The following PTPRJ variants were observed in gnomAD, a reference collection of about 807,000 sequenced individuals.
PTPRJ encodes the protein protein tyrosine phosphatase receptor type J, also known as receptor-type tyrosine-protein phosphatase eta.
Under a neutral mutation model 141.3 loss-of-function variants are expected in PTPRJ, and 129 were observed. The ratio of observed to expected loss-of-function variants is 0.91; its 90% CI spans 0.79 to 1.06. PTPRJ has a LOEUF of 1.06. Among genes scored for constraint, PTPRJ ranks in the 50% least tolerant of loss-of-function variants. The pLI is 0.00. For missense variants in PTPRJ, 1,601 were observed against 1,679.7 expected (o/e 0.95, Z 0.82); for synonymous variants, 610 against 640.5 (o/e 0.95, Z 0.72).
At chr11:48,060,073 G>A (rs1013494390) in intron 1 of PTPRJ, among the ~76,000 whole-genome samples, 3 of 152,108 alleles carry the variant, frequency 2.0e-5, no homozygotes, top group African/African-American at 7.2e-5. Flanking sequence ...GGAGTGATTG[G>A]CCCCCAATTA....
rs61139660 is a variant in PTPRJ, at chr11:48,065,004, CTT to C, written c.97-45028_97-45027del. The stretch of plus-strand genomic sequence containing the variant: ...GCTGAGACCTGTTTTCCTCAACTAC[CTT>C]TTTTTTTTTTTTTTTTTTTTTTTTT... On this transcript the variant is annotated intron_variant, in intron 1 of 24. Transcript: ENST00000418331. Among the ~76,000 whole-genome samples, 287 of 117,156 alleles carry C rather than the reference CTT, an allele frequency of 2.4e-3. 2 individuals are homozygous for C. The highest frequency in any genetic ancestry group is 0.011 in the African/African-American group (277 of 26,092). The allele number at this position is 117,156 out of a possible 152,430, so 76.9% of individuals were successfully genotyped here. A position where few individuals can be genotyped will look rare whatever the true frequency, so the allele number is the denominator to read the frequency against.
chr11:48,157,631 G>T (rs1857644300), intron 21 of PTPRJ, among the ~76,000 whole-genome samples: 2 of 152,176 alleles, frequency 1.3e-5, no homozygotes, highest in South Asian at 2.1e-4. Context: ...AGCCCTTCAG[G>T]CATCATTTCT....
At chr11:47,998,574 A>C (rs1224501928) in intron 1 of PTPRJ, among the ~76,000 whole-genome samples, 1 of 152,206 alleles carries the variant, frequency 6.6e-6, no homozygotes, top group Non-Finnish European at 1.5e-5. Flanking sequence ...AGTAGCTTTC[A>C]AAGCTTCAAT....
intron 15 of PTPRJ, among the ~76,000 whole-genome samples, chr11:48,147,513 G>A (rs1164116576): frequency 1.3e-5 from 2 of 152,216 alleles, no homozygotes; most frequent in African/African-American, 2.4e-5. Context: ...AGTGCTCACC[G>A]TGTGCCTGCA....
Position 47,987,934 on chromosome 11 carries a change from A to G in PTPRJ, c.96+6926A>G, listed in dbSNP as rs1253480546. On this transcript the variant is annotated intron_variant, in intron 1 of 24. Coordinates refer to ENST00000418331, the MANE Select transcript of PTPRJ (RefSeq NM_002843.4). ...GCTCCCACAGAAGGTCTAATTTTAAACATGCAAATAATTTTCAGTTCCACT... is the reference window on the plus strand; with the variant it reads ...GCTCCCACAGAAGGTCTAATTTTAAGCATGCAAATAATTTTCAGTTCCACT... Among the ~76,000 whole-genome samples, 5 of 152,324 alleles carry G rather than the reference A, an allele frequency of 3.3e-5. No individual in the cohort carries two copies. The East Asian group carries it at 7.7e-4, about 24-fold the overall frequency.
intron 1 of PTPRJ, among the ~76,000 whole-genome samples, chr11:47,990,979 G>T (rs1565246324): frequency 6.6e-6 from 1 of 151,874 alleles, no homozygotes; most frequent in Non-Finnish European, 1.5e-5. Context: ...GTGACCGGCG[G>T]AAAGTGTTGG....
chr11:48,104,240 G>C (rs1737622243), intron 1 of PTPRJ, among the ~76,000 whole-genome samples: 2 of 152,148 alleles, frequency 1.3e-5, no homozygotes, highest in Admixed American at 1.3e-4. Flanking sequence ...GGTGTTCCTT[G>C]TCTGGCTTCT....
At chr11:48,138,362 CTGAGCATTTATGACTGGG>C (rs1857152637) in intron 10 of PTPRJ, among the ~76,000 whole-genome samples, 1 of 152,168 alleles carries the variant, frequency 6.6e-6, no homozygotes, top group Non-Finnish European at 1.5e-5. Flanking sequence ...AAAACTGTAT[CTGAGCATTTATGACTGGG>C]TGTGGGTGGA....
intron 18 of PTPRJ, among the ~76,000 whole-genome samples, chr11:48,150,801 A>T (rs752400327): frequency 6.6e-6 from 1 of 152,096 alleles, no homozygotes; most frequent in African/African-American, 2.4e-5. Flanking sequence ...GTGACCATGC[A>T]CACTCGTCCT....
At chr11:47,995,441 C>T (rs1854309593) in intron 1 of PTPRJ, among the ~76,000 whole-genome samples, 1 of 152,180 alleles carries the variant, frequency 6.6e-6, no homozygotes. Flanking sequence ...GACAGCTGGA[C>T]TTGGGCCAGT....
intron 1 of PTPRJ, among the ~76,000 whole-genome samples, chr11:48,028,110 C>T (rs937061273): frequency 6.6e-6 from 1 of 152,154 alleles, no homozygotes; most frequent in Non-Finnish European, 1.5e-5. Context: ...ACTACTGAGC[C>T]ATAAGTGGTC....
At position 47,980,782 on chromosome 11, in the gene PTPRJ, G is replaced by GGACGAGGCGGACCGGC. The variant is rs1853879024; in HGVS notation, c.-130_-115dup. 9.7e-7 allele frequency: 1 copy of GGACGAGGCGGACCGGC among 1,030,868 alleles called. No homozygotes were observed. Among genetic ancestry groups the GGACGAGGCGGACCGGC allele is most frequent in the African/African-American group, 1.7e-5 (1 of 57,966 alleles). The allele number at this position is 1,030,868 out of a possible 1,614,324, so 63.9% of individuals were successfully genotyped here. ...GGGAAGCCCGGGGCGGGCGGAGCGG[G>GGACGAGGCGGACCGGC]GACGAGGCGGACCGGCTGGCGGAGG... is the stretch of plus-strand genomic sequence containing the variant. On this transcript the variant is annotated 5_prime_UTR_variant, in exon 1 of 25. Transcript: ENST00000418331.
intron 1 of PTPRJ, among the ~76,000 whole-genome samples, chr11:48,081,450 G>A (rs950831452): frequency 7.2e-5 from 11 of 152,214 alleles, no homozygotes; most frequent in Non-Finnish European, 1.3e-4. Flanking sequence ...TCCATGTGGG[G>A]CTTGGGCTTG....
Position 48,130,460 on chromosome 11 carries a change from C to A in PTPRJ, c.1359C>A (p.Pro453=). The stretch of plus-strand genomic sequence containing the variant: ...TAGTTGTTTACTTTCTTTGCATAGC[C>A]CCTGTTCCAGTTTCTGACTTCCGAG... ...GTPGFLQVHT[P]PVPVSDFRVT... is the part of the protein sequence containing the mutation. The change falls in exon 8 of 25, where the codon CCC becomes CCA. Residue 453 remains proline (P), a splice_region_variant and synonymous_variant. Transcript: ENST00000418331. The A allele has an allele frequency of 1.9e-6, 3 of 1,609,430 alleles. No homozygotes were observed. The highest frequency in any genetic ancestry group is 1.7e-6 in the Non-Finnish European group (2 of 1,176,960).
intron 1 of PTPRJ, among the ~76,000 whole-genome samples, chr11:48,105,591 A>G (rs1856268007): frequency 6.6e-6 from 1 of 152,130 alleles, no homozygotes; most frequent in Admixed American, 6.5e-5. Context: ...TTTACAACTG[A>G]TGAAAACAAT....
chr11:48,159,308 T>A (rs1195542097), intron 21 of PTPRJ, among the ~76,000 whole-genome samples: 2 of 152,200 alleles, frequency 1.3e-5, no homozygotes, highest in African/African-American at 4.8e-5. Context: ...GTATTTGTAT[T>A]GCAACCGATG....
chr11:48,167,614 TC>T lies in PTPRJ; in HGVS notation c.*257del. On this transcript the variant is annotated 3_prime_UTR_variant, in exon 25 of 25. Transcript: ENST00000418331. ...GGGATGAGGTCACTTTTTTTTTTTT[TC>T]CCCCTTGAGGATTGTGGAAAACCAG... 2 of 335,018 alleles carry T rather than the reference TC, an allele frequency of 6.0e-6. No individual in the cohort carries two copies. Among genetic ancestry groups the T allele is most frequent in the Non-Finnish European group, 5.3e-6 (1 of 187,366 alleles). 20.8% of individuals were successfully genotyped at this position (335,018 alleles called of 1,614,324 possible).
chr11:48,035,135 C>G (rs1854086052), intron 1 of PTPRJ, among the ~76,000 whole-genome samples: 1 of 152,188 alleles, frequency 6.6e-6, no homozygotes, highest in African/African-American at 2.4e-5. Context: ...CTTTTAGACT[C>G]ACTTTGTGGC....
At chr11:48,018,710 G>C (rs1180338534) in intron 1 of PTPRJ, among the ~76,000 whole-genome samples, 2 of 152,182 alleles carry the variant, frequency 1.3e-5, no homozygotes, top group Non-Finnish European at 2.9e-5. Flanking sequence ...CCTTCCCTCC[G>C]AACTGGGGGT....
Sources: allele counts gnomAD v4.1 joint callset (sites outside exome capture counted in the v4.1 genomes callset), GRCh38; gene constraint gnomAD v4.1.1; transcripts MANE v1.5; gene names NCBI Gene and HGNC (gene_info 2026-07-23, HGNC 2026-07-21).